The following ACTR3B variants were observed in gnomAD, a reference collection of about 807,000 sequenced individuals.
The protein encoded by ACTR3B is actin related protein 3B.
In ACTR3B, 8 loss-of-function variants were observed where a neutral mutation model predicts 59.0. That is an observed-to-expected ratio of 0.14 (90% CI 0.08 to 0.24). ACTR3B has a LOEUF of 0.24. Among genes scored for constraint, ACTR3B ranks in the 10% least tolerant of loss-of-function variants. The pLI is 1.00. For missense variants in ACTR3B, 245 were observed against 552.3 expected (o/e 0.44, Z 5.58); for synonymous variants, 148 against 197.9 (o/e 0.75, Z 2.12).
intron 9 of ACTR3B, among the ~76,000 whole-genome samples, chr7:152,846,068 G>A (rs1348613694): frequency 6.6e-6 from 1 of 152,258 alleles, no homozygotes; most frequent in Admixed American, 6.5e-5. Flanking sequence ...GGAATCTCTA[G>A]GTTGGGGAGG....
chr7:152,833,976 G>A (rs1039872188), intron 9 of ACTR3B, among the ~76,000 whole-genome samples: 12 of 152,032 alleles, frequency 7.9e-5, no homozygotes, highest in Non-Finnish European at 1.2e-4. Context: ...GCCGTGAGAC[G>A]GGGTTGAAGG....
intron 9 of ACTR3B, among the ~76,000 whole-genome samples, chr7:152,834,923 G>A (rs1363421682): frequency 6.6e-6 from 1 of 152,194 alleles, no homozygotes; most frequent in African/African-American, 2.4e-5. Context: ...GCTGTGGGAG[G>A]GAATGACTGT....
In ACTR3B at chr7:152,853,523, G is replaced by A. The variant is rs1799007833; in HGVS notation, c.1107G>A (p.Thr369=). Residue 369 remains threonine, a synonymous_variant, in exon 11 of 12, where the codon ACG becomes ACA. Transcript: ENST00000256001. ...AGCCTGTGGAGGTCCAGGTGGTCAC[G>A]CATCACATGCAGCGCTACGCCGTGT... The part of the protein sequence containing the change: ...KPKPVEVQVV[T]HHMQRYAVWF... 5 of 1,612,814 alleles carry A rather than the reference G, an allele frequency of 3.1e-6. No homozygotes were observed. Among genetic ancestry groups the A allele is most frequent in the South Asian group, 1.1e-5 (1 of 90,986 alleles).
intron 9 of ACTR3B, among the ~76,000 whole-genome samples, chr7:152,848,581 A>G (rs1251652505): frequency 6.6e-6 from 1 of 152,242 alleles, no homozygotes; most frequent in African/African-American, 2.4e-5. Flanking sequence ...TTAATTGGAT[A>G]TAAGCCAGGG....
chr7:152,803,896 G>C (rs2098244316), intron 4 of ACTR3B, among the ~76,000 whole-genome samples: 1 of 152,158 alleles, frequency 6.6e-6, no homozygotes, highest in Non-Finnish European at 1.5e-5. Context: ...TGATGAGAAT[G>C]GTAAATTTCC....
chr7:152,759,852 C>A lies in ACTR3B; in HGVS notation c.-31C>A. The A allele has an allele frequency of 8.0e-7, 1 of 1,251,654 alleles. No individual in the cohort carries two copies. Among genetic ancestry groups the A allele is most frequent in the Non-Finnish European group, 1.0e-6 (1 of 995,116 alleles). The allele number at this position is 1,251,654 out of a possible 1,614,324, so 77.5% of individuals were successfully genotyped here. On this transcript the variant is annotated 5_prime_UTR_variant, in exon 1 of 12. Transcript: ENST00000256001. ...ACGGCGACGGGGCGCTCTCGGGCTG[C>A]CGGCGGGGCCGAGCGCCGCGCGTCC...
In ACTR3B at chr7:152,769,429, T is replaced by A. The variant is rs116509769; in HGVS notation, c.44+9503T>A. On this transcript the variant is annotated intron_variant, in intron 1 of 11. Coordinates refer to ENST00000256001, the MANE Select transcript of ACTR3B (RefSeq NM_020445.6). Reference sequence around the variant, plus strand: ...TGTGATCCCTGCTTGCTTCTCCTTGTGTTTGTCTGATATAGATATATATAT... The same window carrying A: ...TGTGATCCCTGCTTGCTTCTCCTTGAGTTTGTCTGATATAGATATATATAT... Among the ~76,000 whole-genome samples, 454 of 152,324 alleles carry A rather than the reference T, an allele frequency of 3.0e-3. 3 individuals carry two copies. Among genetic ancestry groups the A allele is most frequent in the African/African-American group, 0.01 (426 of 41,564 alleles).
chr7:152,810,077 A>G (rs1203549620), intron 4 of ACTR3B, among the ~76,000 whole-genome samples: 3 of 152,086 alleles, frequency 2.0e-5, no homozygotes, highest in African/African-American at 7.2e-5. Flanking sequence ...TACTCATTGA[A>G]CGAGTCCCCA....
intron 9 of ACTR3B, among the ~76,000 whole-genome samples, chr7:152,828,967 A>C (rs1796801884): frequency 1.3e-5 from 2 of 152,024 alleles, no homozygotes; most frequent in Admixed American, 6.6e-5. Context: ...CTTTATTGAA[A>C]TATAATTTTT....
Position 152,825,048 on chromosome 7 carries a change from A to G in ACTR3B, c.877A>G (p.Met293Val), listed in dbSNP as rs1563134036. Reference protein sequence around the residue: ...FHPEFANPDFMESISDVVDEV... With the variant: ...FHPEFANPDFVESISDVVDEV... ...AATTCAGTTTGCCAACCCAGACTTT[A>G]TGGAGTCCATCTCAGATGTTGTTGA... The change falls in exon 9 of 12, where the codon ATG (methionine) becomes GTG (valine). Residue 293 changes from methionine (M) to valine (V), a missense_variant. By Grantham distance (21) the Met-to-Val change is conservative (BLOSUM62 1). Coordinates refer to ENST00000256001, the MANE Select transcript of ACTR3B (RefSeq NM_020445.6). The G allele has an allele frequency of 6.2e-7, 1 of 1,613,456 alleles. No individual in the cohort carries two copies. The highest frequency in any genetic ancestry group is 1.1e-5 in the South Asian group (1 of 90,924).
At chr7:152,831,619 G>A (rs1432173932) in intron 9 of ACTR3B, among the ~76,000 whole-genome samples, 1 of 152,256 alleles carries the variant, frequency 6.6e-6, no homozygotes, top group East Asian at 1.9e-4. Context: ...AACTCAGGTC[G>A]GAGTGAAGGC....
In ACTR3B at chr7:152,759,860, G is replaced by T. The variant is rs1433826983; in HGVS notation, c.-23G>T. ...GGGGCGCTCTCGGGCTGCCGGCGGG[G>T]CCGAGCGCCGCGCGTCCCGAGCATG... On this transcript the variant is annotated 5_prime_UTR_variant, in exon 1 of 12. Transcript: ENST00000256001. The T allele has an allele frequency of 3.6e-5, 46 of 1,292,466 alleles. No homozygotes were observed. The highest frequency in any genetic ancestry group is 4.5e-5 in the Non-Finnish European group (46 of 1,013,024). 80.1% of individuals were successfully genotyped at this position (1,292,466 alleles called of 1,614,324 possible).
chr7:152,793,034 T>G (rs1028955029), intron 2 of ACTR3B, among the ~76,000 whole-genome samples: 2 of 151,842 alleles, frequency 1.3e-5, no homozygotes, highest in Admixed American at 6.6e-5. Context: ...TTTTTTTTTT[T>G]TTTTTTTTGG....
At chr7:152,775,145 T>C (rs1275207607) in intron 1 of ACTR3B, among the ~76,000 whole-genome samples, 5 of 137,312 alleles carry the variant, frequency 3.6e-5, no homozygotes, top group Non-Finnish European at 7.5e-5. Context: ...GAGCTATGAT[T>C]GCACCACTGC....
chr7:152,770,594 A>C (rs1325643941), intron 1 of ACTR3B, among the ~76,000 whole-genome samples: 1 of 151,946 alleles, frequency 6.6e-6, no homozygotes, highest in African/African-American at 2.4e-5. Flanking sequence ...TTTCCCCTTA[A>C]ACCCGCCTGT....
At chr7:152,800,155 G>T (rs1250518686) in intron 2 of ACTR3B, among the ~76,000 whole-genome samples, 3 of 152,128 alleles carry the variant, frequency 2.0e-5, no homozygotes, top group African/African-American at 7.2e-5. Context: ...CTCCTTTTCT[G>T]TATTGTACAG....
intron 1 of ACTR3B, among the ~76,000 whole-genome samples, chr7:152,763,610 A>G (rs2098097927): frequency 6.6e-6 from 1 of 151,968 alleles, no homozygotes; most frequent in South Asian, 2.1e-4. Context: ...TTTTTGGTAG[A>G]GACGGGATTT....
intron 9 of ACTR3B, among the ~76,000 whole-genome samples, chr7:152,834,363 A>C (rs1345524621): frequency 6.6e-6 from 1 of 152,188 alleles, no homozygotes; most frequent in Non-Finnish European, 1.5e-5. Flanking sequence ...CATGTTGGCC[A>C]GGCTGGTCTC....
At chr7:152,833,439 A>G (rs895476553) in intron 9 of ACTR3B, among the ~76,000 whole-genome samples, 1 of 152,172 alleles carries the variant, frequency 6.6e-6, no homozygotes, top group Admixed American at 6.5e-5. Flanking sequence ...TCAAGAACAC[A>G]ATATAGAAAG....
Sources: allele counts gnomAD v4.1 joint callset (sites outside exome capture counted in the v4.1 genomes callset), GRCh38; gene constraint gnomAD v4.1.1; transcripts MANE v1.5; gene names NCBI Gene and HGNC (gene_info 2026-07-23, HGNC 2026-07-21).